The following KIF24 variants were observed in gnomAD, a reference collection of about 807,000 sequenced individuals.
KIF24 encodes kinesin-like protein KIF24.
A neutral mutation model predicts 118.9 loss-of-function variants in KIF24; 81 were observed. That is an observed-to-expected ratio of 0.68 (90% CI 0.57 to 0.82). KIF24 has a LOEUF of 0.82. Ranked by LOEUF, KIF24 falls within the 40% of genes least tolerant of loss-of-function variation. The pLI is 0.00. For synonymous variants in KIF24, 599 were observed against 610.0 expected, an observed-to-expected ratio of 0.98 and a Z score of 0.27; for missense variants, 1,560 against 1,661.6, an observed-to-expected ratio of 0.94 and a Z score of 1.06.
At chr9:34,264,898 T>C (rs1453507436) in intron 8 of KIF24, among the ~76,000 whole-genome samples, 1 of 152,024 alleles carries the variant, frequency 6.6e-6, no homozygotes, top group Non-Finnish European at 1.5e-5. Context: ...CATATACAAC[T>C]GGAAAAAGGA....
rs191376096 is a variant in KIF24 at position 34,306,379 on chromosome 9, C to T, written c.686G>A (p.Arg229Gln). Residue 229 changes from arginine to glutamine, a missense_variant, in exon 3 of 13, where the codon CGA becomes CAA. Arg to Gln is a conservative substitution (Grantham distance 43, BLOSUM62 1). Transcript: ENST00000402558. ...TEMEKIRVCVRKRPLGMREVR... is the reference protein window; with the variant it reads ...TEMEKIRVCVQKRPLGMREVR... ...CTCCCTCATGCCCAGGGGGCGTTTT[C>T]GAACACAAACTCTGATTTTCTCCAT... 1.9e-5 allele frequency: 31 copies of T among 1,612,926 alleles called. No homozygotes were observed. In the Admixed American group the frequency reaches 4.3e-4, roughly 23 times the overall value.
rs771372300 is a variant in KIF24 at position 34,257,613 on chromosome 9, G to A, written c.1994C>T (p.Ser665Leu). 3 of 1,613,964 alleles carry A rather than the reference G, an allele frequency of 1.9e-6. No homozygotes were observed. The highest frequency in any genetic ancestry group is 2.5e-6 in the Non-Finnish European group (3 of 1,179,924). Reference protein sequence around the residue: ...GHVAKKKPEESAPLCSEKNRM... With the variant: ...GHVAKKKPEELAPLCSEKNRM... ...ATTTTTCTCAGAGCACAATGGTGCT[G>A]ACTCTTCTGGCTTTTTTTTGGCCAC... Residue 665 changes from serine (S) to leucine (L), a missense_variant, in exon 11 of 13, where the codon TCA (serine) becomes TTA (leucine). Transcript: ENST00000402558.
chr9:34,258,550 T>C (rs1834941891), intron 10 of KIF24, among the ~76,000 whole-genome samples: 2 of 152,314 alleles, frequency 1.3e-5, no homozygotes, highest in South Asian at 4.1e-4. Context: ...AAGAAGCCTT[T>C]TGGAAATCAC....
chr9:34,286,855 C>T (rs536333779), intron 5 of KIF24, among the ~76,000 whole-genome samples, 151 bp from the exon 6 acceptor site: 1 of 152,336 alleles, frequency 6.6e-6, no homozygotes, highest in East Asian at 1.9e-4. Flanking sequence ...CCCCACCCTC[C>T]TGACCTCAGC....
At chr9:34,303,882 T>C (rs920579672) in intron 3 of KIF24, among the ~76,000 whole-genome samples, 1 of 152,126 alleles carries the variant, frequency 6.6e-6, no homozygotes, top group Non-Finnish European at 1.5e-5. Context: ...GTCCATAGCT[T>C]ATTTGTGTGT....
At chr9:34,288,204 G>T (rs1836121795) in intron 5 of KIF24, among the ~76,000 whole-genome samples, 1 of 152,060 alleles carries the variant, frequency 6.6e-6, no homozygotes, top group Non-Finnish European at 1.5e-5. Context: ...TTTAAAAATT[G>T]GTCAGGCACA....
rs1837794492 is a variant in KIF24 at position 34,329,201 on chromosome 9, A to T, written c.-121T>A. Among the ~76,000 whole-genome samples the T allele has an allele frequency of 6.6e-6, 1 of 152,242 alleles. No homozygotes were observed. Among genetic ancestry groups the T allele is most frequent in the African/African-American group, 2.4e-5 (1 of 41,458 alleles). On this transcript the variant is annotated 5_prime_UTR_variant, in exon 1 of 13. It removes the in-frame stop codon of an upstream open reading frame in the 5' UTR. Coordinates refer to ENST00000402558, the MANE Select transcript of KIF24 (RefSeq NM_194313.4). ...AAGCCCGCAACCTAACAGTCCCGTC[A>T]ACCCGGGAGCCACCGGCGGCGGCCA...
chr9:34,255,084 CTGGCTCATCAGCGT>C lies in KIF24; in HGVS notation c.3940_3953del (p.Thr1314AlafsTer4). The C allele has an allele frequency of 1.9e-6, 3 of 1,589,418 alleles. No homozygotes were observed. Among genetic ancestry groups the C allele is most frequent in the Non-Finnish European group, 2.6e-6 (3 of 1,167,350 alleles). ...CAGGGCTACTTACATTAGAAGCCAG[CTGGCTCATCAGCGT>C]CTCCTCCTTGAAGCCGAGCTCAGCC... On this transcript the variant is annotated frameshift_variant, in exon 12 of 13. Coordinates refer to ENST00000402558, the MANE Select transcript of KIF24 (RefSeq NM_194313.4). LOFTEE classifies it high-confidence loss of function.
chr9:34,255,763 G>C lies in KIF24; in HGVS notation c.3844C>G (p.Leu1282Val). The C allele has an allele frequency of 6.2e-7, 1 of 1,613,466 alleles. No homozygotes were observed. The highest frequency in any genetic ancestry group is 8.5e-7 in the Non-Finnish European group (1 of 1,179,590). Reference protein sequence around the residue: ...PSCSPKTAGTLRQPTLEQAQQ... With the variant: ...PSCSPKTAGTVRQPTLEQAQQ... ...GCTTGCTCCAGGGTGGGCTGACGGA[G>C]TGTCCCTGCAGTCTTGGGAGAGCAG... The change falls in exon 11 of 13, where the codon CTC (leucine) becomes GTC (valine). Residue 1282 changes from leucine to valine, a missense_variant. Leu to Val is a conservative substitution (Grantham distance 32). Coordinates refer to ENST00000402558, the MANE Select transcript of KIF24 (RefSeq NM_194313.4).
rs780031123 is a variant in KIF24, at chr9:34,311,281, A to G, written c.66T>C (p.Thr22=). Residue 22 remains threonine, a synonymous_variant, in exon 2 of 13, where the codon ACT becomes ACC. Transcript: ENST00000402558. ...CATCTATTTTCTGAAGGCCAAGGGCAGTGAAATGAGAATAATACTGTGCAA... is the reference window on the plus strand; with the variant it reads ...CATCTATTTTCTGAAGGCCAAGGGCGGTGAAATGAGAATAATACTGTGCAA... ...AELAQYYSHF[T]ALGLQKIDEL... is the part of the protein sequence containing the mutation. 6.2e-7 allele frequency: 1 copy of G among 1,611,526 alleles called. No individual in the cohort carries two copies. Among genetic ancestry groups the G allele is most frequent in the Non-Finnish European group, 8.5e-7 (1 of 1,178,516 alleles).
rs574047671 is a variant in KIF24 at position 34,320,455 on chromosome 9, C to T, written c.-26+8651G>A. The stretch of plus-strand genomic sequence containing the variant: ...AGCGGATCACCTGAGATCAGGGGTT[C>T]GAGACCAGCCTGGCCAACATGGCGA... On this transcript the variant is annotated intron_variant, in intron 1 of 12. Coordinates refer to ENST00000402558, the MANE Select transcript of KIF24 (RefSeq NM_194313.4). Among the ~76,000 whole-genome samples the T allele has an allele frequency of 2.1e-3, 311 of 151,432 alleles. 1 individual carries two copies. Among genetic ancestry groups the T allele is most frequent in the South Asian group, 0.018 (87 of 4,804 alleles).
intron 6 of KIF24, among the ~76,000 whole-genome samples, chr9:34,278,220 C>T (rs1018279350): frequency 6.6e-6 from 1 of 152,088 alleles, no homozygotes; most frequent in African/African-American, 2.4e-5. Context: ...ACCAGCCTGG[C>T]CAACCTGGTG....
intron 9 of KIF24, among the ~76,000 whole-genome samples, chr9:34,261,675 CT>C (rs1835062833): frequency 1.3e-5 from 2 of 152,128 alleles, no homozygotes; most frequent in Admixed American, 1.3e-4. Flanking sequence ...ACGTTTTTCC[CT>C]GTGTGGCTGC....
At chr9:34,271,136 C>T (rs1372652435) in intron 7 of KIF24, among the ~76,000 whole-genome samples, 1 of 152,060 alleles carries the variant, frequency 6.6e-6, no homozygotes, top group Admixed American at 6.6e-5. Flanking sequence ...AAGAGTATCA[C>T]AAGATTCTGA....
intron 4 of KIF24, among the ~76,000 whole-genome samples, chr9:34,296,731 CT>C (rs34607399): frequency 0.48 from 71,738 of 150,052 alleles, 19,929 homozygotes; most frequent in South Asian, 0.64. Context: ...CTTAATTTTT[CT>C]TTTTTTTTTA....
intron 6 of KIF24, among the ~76,000 whole-genome samples, chr9:34,273,075 C>A (rs1835563396): frequency 6.6e-6 from 1 of 151,572 alleles, no homozygotes; most frequent in South Asian, 2.1e-4. Context: ...AGAGCAAGAC[C>A]CTGTCTCAAA....
chr9:34,318,920 A>C lies in KIF24; in HGVS notation c.-25-7549T>G. 6.4e-7 allele frequency: 1 copy of C among 1,573,352 alleles called. No individual in the cohort carries two copies. Among genetic ancestry groups the C allele is most frequent in the Non-Finnish European group, 8.7e-7 (1 of 1,148,590 alleles). On this transcript the variant is annotated intron_variant, in intron 1 of 12. Transcript: ENST00000402558. The surrounding 1 kb of genome is among the most constrained non-coding windows in gnomAD (Gnocchi z 4.9). ...TGACAAGCGCAGTGCGCTGCAGTCC[A>C]TCCACGAGTGGGCCGTGCAGACCAC...
chr9:34,294,932 TACTC>T (rs1051017243), intron 4 of KIF24, among the ~76,000 whole-genome samples: 28 of 152,294 alleles, frequency 1.8e-4, no homozygotes, highest in African/African-American at 6.5e-4. Flanking sequence ...AGATATTTGT[TACTC>T]ACGTATATAA....
chr9:34,276,402 CAAAAA>C (rs11419785), intron 6 of KIF24, among the ~76,000 whole-genome samples: 2 of 80,704 alleles, frequency 2.5e-5, no homozygotes, highest in Admixed American at 1.3e-4. Context: ...AACTGCATCT[CAAAAA>C]AAAAAAAAAA....
Sources: gnomAD v4.1 joint callset for allele counts (sites outside exome capture counted in the v4.1 genomes callset) on GRCh38, gnomAD v4.1.1 for gene constraint, Gnocchi (gnomAD v3.1) non-coding constraint, MANE v1.5 for transcripts, NCBI Gene and HGNC (gene_info 2026-07-23, HGNC 2026-07-21) for gene names.